The following PTPRQ variants were observed in gnomAD, a reference collection of about 807,000 sequenced individuals.
PTPRQ encodes the protein protein tyrosine phosphatase receptor type Q.
PTPRQ carries 199 observed loss-of-function variants against 246.0 expected under a neutral mutation model. That is an observed-to-expected ratio of 0.81 (90% CI 0.72 to 0.91). PTPRQ has a LOEUF of 0.91. Ranked by LOEUF, PTPRQ falls within the 40% of genes least tolerant of loss-of-function variation. PTPRQ has a pLI of 0.00. For synonymous variants in PTPRQ, 869 were observed against 853.2 expected (o/e 1.02, Z -0.32); for missense variants, 2,624 against 2,528.4 (o/e 1.04, Z -0.81).
rs1403376991 is a variant in PTPRQ at position 80,444,854 on chromosome 12, G to A, written c.163+5G>A. 6 of 1,516,890 alleles carry A rather than the reference G, an allele frequency of 4.0e-6. No homozygotes were observed. Among genetic ancestry groups the A allele is most frequent in the Admixed American group, 2.0e-5 (1 of 49,014 alleles). The allele number at this position is 1,516,890 out of a possible 1,614,324, so 94.0% of individuals were successfully genotyped here. A position where few individuals can be genotyped will look rare whatever the true frequency, so the allele number is the denominator to read the frequency against. ...TAGTGACAACAAATGTAACAAGTGA[G>A]TATATGTTTTAAATTACTTTGTAAG... is the stretch of plus-strand genomic sequence containing the variant. On this transcript the variant is annotated splice_donor_5th_base_variant and intron_variant, in intron 2 of 44. Transcript: ENST00000644991.
At chr12:80,636,962 T>TA (rs1424205839) in intron 35 of PTPRQ, among the ~76,000 whole-genome samples, 1 of 152,022 alleles carries the variant, frequency 6.6e-6, no homozygotes, top group Non-Finnish European at 1.5e-5. Flanking sequence ...TACATCATCA[T>TA]AAAAAAATTA....
At chr12:80,531,098 T>A (rs532027092) in intron 17 of PTPRQ, among the ~76,000 whole-genome samples, 2 of 152,018 alleles carry the variant, frequency 1.3e-5, no homozygotes, top group African/African-American at 4.8e-5. Flanking sequence ...AAAAGTACTA[T>A]TATGAAAAGA....
rs1332253569 is a variant in PTPRQ at position 80,514,887 on chromosome 12, A to G, written c.2678+4444A>G. ...GAGTAAGATTACATAAAGATAGAACAAAAAAGGATAGACCTTAACATATTC... is the reference window on the plus strand; with the variant it reads ...GAGTAAGATTACATAAAGATAGAACGAAAAAGGATAGACCTTAACATATTC... On this transcript the variant is annotated intron_variant, in intron 17 of 44. Coordinates refer to ENST00000644991, the MANE Select transcript of PTPRQ (RefSeq NM_001145026.2). 2.0e-5 allele frequency among the ~76,000 whole-genome samples: 3 copies of G among 147,914 alleles called. No individual in the cohort carries two copies. The East Asian group carries it at 5.9e-4, about 29-fold the overall frequency.
intron 26 of PTPRQ, 133 bp downstream of exon 26, chr12:80,588,585 TA>T: frequency 9.9e-7 from 1 of 1,005,480 alleles, no homozygotes; most frequent in Non-Finnish European, 1.3e-6. Flanking sequence ...CTACCATATA[TA>T]ACGACATATT....
chr12:80,542,470 G>T, intron 22 of PTPRQ, 106 bp downstream of exon 22: 3 of 1,411,730 alleles, frequency 2.1e-6, no homozygotes, highest in Middle Eastern at 1.8e-4. Context: ...TTGTCTATTT[G>T]TAACAGCCTT....
intron 29 of PTPRQ, among the ~76,000 whole-genome samples, chr12:80,614,809 C>A (rs948225829): frequency 3.3e-5 from 5 of 150,772 alleles, no homozygotes; most frequent in East Asian, 1.9e-4. Flanking sequence ...ATAATAACTT[C>A]TTTATAGGAT....
chr12:80,474,181 A>G (rs1893741497), intron 8 of PTPRQ, among the ~76,000 whole-genome samples: 1 of 152,226 alleles, frequency 6.6e-6, no homozygotes. Context: ...GTGATAACTC[A>G]TTAGAACTAT....
intron 42 of PTPRQ, among the ~76,000 whole-genome samples, chr12:80,672,704 GAGAA>G (rs1901009100): frequency 6.6e-6 from 1 of 151,916 alleles, no homozygotes; most frequent in African/African-American, 2.4e-5. Context: ...ATAAATTCTA[GAGAA>G]AGAAAGTGAA....
chr12:80,517,927 A>G (rs979601042), intron 17 of PTPRQ, among the ~76,000 whole-genome samples: 2 of 152,190 alleles, frequency 1.3e-5, no homozygotes, highest in Non-Finnish European at 2.9e-5. Context: ...TATTGTGAAG[A>G]GTACTGCAAC....
intron 43 of PTPRQ, among the ~76,000 whole-genome samples, chr12:80,677,315 A>C (rs1477250180): frequency 1.3e-5 from 2 of 152,202 alleles, no homozygotes; most frequent in Non-Finnish European, 2.9e-5. Flanking sequence ...CTCGAGAAGT[A>C]ACTTACTAGC....
chr12:80,565,483 C>T (rs1158601483), intron 25 of PTPRQ, among the ~76,000 whole-genome samples: 2 of 152,102 alleles, frequency 1.3e-5, no homozygotes, highest in Non-Finnish European at 2.9e-5. Flanking sequence ...ACATATCAAC[C>T]TCCTCCCCTA....
intron 19 of PTPRQ, among the ~76,000 whole-genome samples, chr12:80,537,439 C>T (rs899329283): frequency 1.3e-5 from 2 of 152,110 alleles, no homozygotes; most frequent in South Asian, 2.1e-4. Context: ...TTCCCTTATG[C>T]CATGACAAGC....
At chr12:80,448,881 T>A (rs1892644877) in intron 3 of PTPRQ, among the ~76,000 whole-genome samples, 1 of 146,208 alleles carries the variant, frequency 6.8e-6, no homozygotes, top group Admixed American at 6.9e-5. Flanking sequence ...GTCCTTTGGG[T>A]ATATACCCAG....
At position 80,588,329 on chromosome 12, in the gene PTPRQ, T is replaced by C. The variant is rs1330789302; in HGVS notation, c.4486T>C (p.Leu1496=). The C allele has an allele frequency of 6.4e-7, 1 of 1,551,530 alleles. No individual in the cohort carries two copies. The highest frequency in any genetic ancestry group is 2.4e-5 in the East Asian group (1 of 40,900). The change falls in exon 26 of 45, where the codon TTA becomes CTA. Residue 1496 remains leucine (L), a synonymous_variant. Transcript: ENST00000644991. ...AATTCAATACCTCTATGAAGCTCAC[T>C]TAACTGAAGAGACAGTATATGGATT... The part of the protein sequence containing the change: ...QKIQYLYEAH[L]TEETVYGLKK...
chr12:80,582,719 T>C (rs1897483097), intron 25 of PTPRQ, among the ~76,000 whole-genome samples: 1 of 151,886 alleles, frequency 6.6e-6, no homozygotes, highest in South Asian at 2.1e-4. Context: ...GCAGCCAAAC[T>C]AAGACAGTCA....
At chr12:80,642,524 C>T (rs986990684) in intron 35 of PTPRQ, among the ~76,000 whole-genome samples, 15 of 152,244 alleles carry the variant, frequency 9.9e-5, no homozygotes, top group African/African-American at 3.6e-4. Flanking sequence ...AATTCAACTT[C>T]TGCCACACTG....
chr12:80,449,681 G>A (rs1892681822), intron 3 of PTPRQ, among the ~76,000 whole-genome samples: 1 of 152,032 alleles, frequency 6.6e-6, no homozygotes, highest in African/African-American at 2.4e-5. Context: ...AGATCAGATA[G>A]TTGTAGATAT....
chr12:80,444,390 A>G lies in PTPRQ; in HGVS notation c.45A>G (p.Ser15=). The change falls in exon 1 of 45, where the codon TCA becomes TCG. Residue 15 remains serine (S), a synonymous_variant. Transcript: ENST00000644991. ...IIFLLLFIGT[S]ETQVDVSNVV... is the part of the protein sequence containing the mutation. ...TTCTTTTACTTTTTATTGGGACTTC[A>G]GAGACACAGGTATTTCGTATACACT... is the stretch of plus-strand genomic sequence containing the variant. The G allele has an allele frequency of 6.8e-7, 1 of 1,471,250 alleles. No homozygotes were observed. The highest frequency in any genetic ancestry group is 9.3e-7 in the Non-Finnish European group (1 of 1,076,670). The allele number at this position is 1,471,250 out of a possible 1,614,324, so 91.1% of individuals were successfully genotyped here. A position where few individuals can be genotyped will look rare whatever the true frequency, so the allele number is the denominator to read the frequency against.
intron 25 of PTPRQ, among the ~76,000 whole-genome samples, chr12:80,568,350 C>T (rs1897040182): frequency 6.6e-6 from 1 of 152,084 alleles, no homozygotes; most frequent in Non-Finnish European, 1.5e-5. Flanking sequence ...AATTGTTATA[C>T]ACTTTCAAAG....
Sources: allele counts gnomAD v4.1 joint callset (sites outside exome capture counted in the v4.1 genomes callset), GRCh38; gene constraint gnomAD v4.1.1; transcripts MANE v1.5; gene names NCBI Gene and HGNC (gene_info 2026-07-23, HGNC 2026-07-21).